Variants in ZFAND3 observed in about 807,000 individuals in gnomAD.
ZFAND3 encodes the protein AN1-type zinc finger protein 3.
ZFAND3 carries 10 observed loss-of-function variants against 29.6 expected under a neutral mutation model. The ratio of observed to expected loss-of-function variants is 0.34; its 90% confidence interval spans 0.21 to 0.57. The LOEUF (loss-of-function observed/expected upper bound fraction) is 0.57, where lower values mean the gene tolerates loss of function less well. Ranked by LOEUF, ZFAND3 falls within the 20% of genes least tolerant of loss-of-function variation. ZFAND3 has a pLI of 0.86. For missense variants in ZFAND3, 230 were observed against 304.5 expected, an observed-to-expected ratio of 0.76 and a Z score of 1.82; for synonymous variants, 128 against 112.6, an observed-to-expected ratio of 1.14 and a Z score of -0.87.
At chr6:37,905,451 C>T (rs1258150516) in intron 1 of ZFAND3, among the ~76,000 whole-genome samples, 5 of 151,978 alleles carry the variant, frequency 3.3e-5, no homozygotes, top group African/African-American at 4.8e-5. Flanking sequence ...CTTTTGGGTT[C>T]TCTGGAAATG....
At chr6:37,996,307 C>G (rs1174025131) in intron 2 of ZFAND3, among the ~76,000 whole-genome samples, 1 of 152,118 alleles carries the variant, frequency 6.6e-6, no homozygotes, top group Non-Finnish European at 1.5e-5. Flanking sequence ...ATTATCTGAT[C>G]AACACATATA....
At chr6:38,009,778 T>C (rs1763114291) in intron 2 of ZFAND3, among the ~76,000 whole-genome samples, 1 of 152,216 alleles carries the variant, frequency 6.6e-6, no homozygotes, top group South Asian at 2.1e-4. Flanking sequence ...TGACTGGTGG[T>C]TACCGTTGCA....
chr6:37,957,498 A>G (rs1004691734), intron 2 of ZFAND3, among the ~76,000 whole-genome samples: 1 of 152,092 alleles, frequency 6.6e-6, no homozygotes, highest in Non-Finnish European at 1.5e-5. Flanking sequence ...CAACATGTAT[A>G]CATGTAAGTT....
In ZFAND3 at chr6:38,061,609, G is replaced by GGCCCCT; in HGVS notation, c.129_130insGCCCCT (p.Gln43_Pro44insAlaPro). 1.2e-6 allele frequency: 2 copies of GGCCCCT among 1,614,136 alleles called. No individual in the cohort carries two copies. The highest frequency in any genetic ancestry group is 1.7e-6 in the Non-Finnish European group (2 of 1,180,016). ...TTTCTTCAGATTTTCAAAAGAAACA[G>GGCCCCT]CCAGACGATGATTCCGCTCCAAGTA... On this transcript the variant is annotated inframe_insertion, in exon 3 of 6. Transcript: ENST00000287218.
intron 2 of ZFAND3, among the ~76,000 whole-genome samples, chr6:37,982,397 A>G (rs1362018107): frequency 1.3e-5 from 2 of 152,212 alleles, no homozygotes; most frequent in Non-Finnish European, 2.9e-5. Flanking sequence ...TGTAAATGAC[A>G]TAAGCAGTGG....
chr6:38,144,218 A>ATATATATATATATAAT (rs1554183997), intron 5 of ZFAND3, among the ~76,000 whole-genome samples: 27 of 31,438 alleles, frequency 8.6e-4, no homozygotes, highest in African/African-American at 5.0e-3. Flanking sequence ...TATAATATAT[A>ATATATATATATATAAT]ATATATATAT....
intron 2 of ZFAND3, among the ~76,000 whole-genome samples, chr6:37,956,054 C>G (rs1762081609): frequency 6.6e-6 from 1 of 152,008 alleles, no homozygotes; most frequent in Non-Finnish European, 1.5e-5. Context: ...AGTGCATATG[C>G]TGTGTAGGGT....
chr6:38,046,673 G>A (rs970182677), intron 2 of ZFAND3, among the ~76,000 whole-genome samples: 6 of 152,138 alleles, frequency 3.9e-5, no homozygotes, highest in East Asian at 1.9e-4. Flanking sequence ...AGCCTGACTC[G>A]TAATCAGTAA....
chr6:37,998,714 C>T (rs1762894622), intron 2 of ZFAND3, among the ~76,000 whole-genome samples: 1 of 151,930 alleles, frequency 6.6e-6, no homozygotes, highest in Non-Finnish European at 1.5e-5. Flanking sequence ...CTGGAATTGA[C>T]CAAATAAATA....
rs368899664 is a variant in ZFAND3 at position 37,843,567 on chromosome 6, T to G, written c.71+23551T>G. ...CTATCTGTTTCTGTTTCTCTGAAGC[T>G]GAAATCAGATCTGAGAGCTAATAGG... On this transcript the variant is annotated intron_variant, in intron 1 of 5. Coordinates refer to ENST00000287218, the MANE Select transcript of ZFAND3 (RefSeq NM_021943.3). Among the ~76,000 whole-genome samples the G allele has an allele frequency of 2.6e-5, 4 of 152,304 alleles. No homozygotes were observed. The East Asian group carries it at 5.8e-4, about 22-fold the overall frequency.
intron 5 of ZFAND3, among the ~76,000 whole-genome samples, chr6:38,129,104 T>C (rs1247788289): frequency 2.0e-5 from 3 of 152,352 alleles, no homozygotes; most frequent in Non-Finnish European, 4.4e-5. Flanking sequence ...TTTTTTCATA[T>C]GTTTGTTTGC....
At chr6:37,875,522 G>A (rs1344957565) in intron 1 of ZFAND3, among the ~76,000 whole-genome samples, 1 of 151,838 alleles carries the variant, frequency 6.6e-6, no homozygotes, top group Non-Finnish European at 1.5e-5. Flanking sequence ...ACTCTGAGGT[G>A]AACTGTTTAA....
chr6:37,962,209 T>G (rs766427226), intron 2 of ZFAND3, among the ~76,000 whole-genome samples: 1 of 152,168 alleles, frequency 6.6e-6, no homozygotes, highest in Non-Finnish European at 1.5e-5. Flanking sequence ...ATGAAATTGG[T>G]GTACTGAAGA....
intron 2 of ZFAND3, among the ~76,000 whole-genome samples, chr6:38,002,590 T>A (rs1340652442): frequency 6.6e-6 from 1 of 151,972 alleles, no homozygotes; most frequent in Non-Finnish European, 1.5e-5. Context: ...GGTGGGAGAA[T>A]CACTTGAGCC....
intron 2 of ZFAND3, among the ~76,000 whole-genome samples, chr6:37,974,403 T>TCTC (rs1037746391): frequency 4.6e-5 from 2 of 43,402 alleles, no homozygotes; most frequent in African/African-American, 1.9e-4. Flanking sequence ...TCTCTCTCTC[T>TCTC]TTTTTTTTTT....
intron 1 of ZFAND3, among the ~76,000 whole-genome samples, chr6:37,898,969 C>T (rs940281472): frequency 6.6e-6 from 1 of 152,168 alleles, no homozygotes; most frequent in Non-Finnish European, 1.5e-5. Flanking sequence ...GATCTCGGCT[C>T]GCTGCAAGCT....
At chr6:37,864,784 C>T (rs1195371450) in intron 1 of ZFAND3, among the ~76,000 whole-genome samples, 4 of 152,066 alleles carry the variant, frequency 2.6e-5, no homozygotes, top group East Asian at 1.9e-4. Context: ...CACACATACA[C>T]GCACACTCTC....
At chr6:37,862,199 C>G (rs1764505135) in intron 1 of ZFAND3, among the ~76,000 whole-genome samples, 1 of 150,204 alleles carries the variant, frequency 6.7e-6, no homozygotes, top group Admixed American at 6.6e-5. Flanking sequence ...GTTTTTTAAC[C>G]ATATGTTTAC....
intron 3 of ZFAND3, among the ~76,000 whole-genome samples, chr6:38,075,428 G>A (rs1303160764): frequency 2.0e-5 from 3 of 152,186 alleles, no homozygotes; most frequent in Non-Finnish European, 4.4e-5. Flanking sequence ...CACAAGAGGA[G>A]TAGAATTAGA....
Sources: gnomAD v4.1 joint callset for allele counts (sites outside exome capture counted in the v4.1 genomes callset) on GRCh38, gnomAD v4.1.1 for gene constraint, MANE v1.5 for transcripts, NCBI Gene and HGNC (gene_info 2026-07-23, HGNC 2026-07-21) for gene names.